HERC1: variants seen among roughly 807,000 people sequenced by gnomAD.
HERC1 encodes HECT and RLD domain containing E3 ubiquitin protein ligase family member 1, also known as probable E3 ubiquitin-protein ligase HERC1.
A neutral mutation model predicts 554.3 loss-of-function variants in HERC1; 160 were observed. The observed-to-expected ratio is 0.29, with a 90% confidence interval of 0.25 to 0.33. The LOEUF is 0.33. Ranked by LOEUF, HERC1 falls within the 10% of genes least tolerant of loss-of-function variation. HERC1 has a pLI of 1.00. For missense variants in HERC1, 4,919 were observed against 5,918.5 expected (o/e 0.83, Z 5.54); for synonymous variants, 2,175 against 2,131.7 (o/e 1.02, Z -0.56).
At chr15:63,627,249 G>A (rs2068338925) in intron 70 of HERC1, among the ~76,000 whole-genome samples, 1 of 152,066 alleles carries the variant, frequency 6.6e-6, no homozygotes, top group Non-Finnish European at 1.5e-5. Flanking sequence ...GGAATCTTAG[G>A]ACCCCCCCTA....
Position 63,638,749 on chromosome 15 carries a change from C to T in HERC1, c.11929G>A (p.Asp3977Asn), listed in dbSNP as rs2068897334. The part of the protein sequence containing the change: ...MDNSKWINGM[D>N]EQIMSWATSR... ...GTTGCCCAAGACATAATTTGTTCATCCATGCCGTTAATCCATTTACTGTTA... is the reference window on the plus strand; with the variant it reads ...GTTGCCCAAGACATAATTTGTTCATTCATGCCGTTAATCCATTTACTGTTA... Residue 3977 changes from aspartate to asparagine, a missense_variant, in exon 62 of 78, where the codon GAT becomes AAT. This residue lies in a region of HERC1 where 1,963 missense variants were observed against 2,228.6 expected (regional missense o/e 0.88). Transcript: ENST00000443617. 6.2e-7 allele frequency: 1 copy of T among 1,613,504 alleles called. No individual in the cohort carries two copies. Among genetic ancestry groups the T allele is most frequent in the African/African-American group, 1.3e-5 (1 of 74,894 alleles).
At chr15:63,781,801 A>G (rs2076296875) in intron 1 of HERC1, among the ~76,000 whole-genome samples, 1 of 152,378 alleles carries the variant, frequency 6.6e-6, no homozygotes, top group Admixed American at 6.5e-5. Flanking sequence ...ACAAAGGGAA[A>G]GTTCTTAAAG....
chr15:63,802,239 T>C (rs1222562559), intron 1 of HERC1, among the ~76,000 whole-genome samples: 4 of 152,284 alleles, frequency 2.6e-5, no homozygotes, highest in Non-Finnish European at 5.9e-5. Flanking sequence ...ACCACACAAA[T>C]TATCAATGGT....
intron 34 of HERC1, 95 bp downstream of exon 34, chr15:63,686,264 A>T (rs923571942): frequency 1.1e-6 from 1 of 892,362 alleles, no homozygotes; most frequent in African/African-American, 1.7e-5. Flanking sequence ...ACATATCACG[A>T]TTTTTTTTCA....
At chr15:63,815,680 C>A (rs555758608) in intron 1 of HERC1, among the ~76,000 whole-genome samples, 5 of 152,302 alleles carry the variant, frequency 3.3e-5, no homozygotes, top group Admixed American at 6.5e-5. Flanking sequence ...ACACACTCTT[C>A]ATGGTTGGAT....
Position 63,612,685 on chromosome 15 carries a change from C to T in HERC1, c.14095-129G>A. 2 of 831,160 alleles carry T rather than the reference C, an allele frequency of 2.4e-6. No individual in the cohort carries two copies. The highest frequency in any genetic ancestry group is 3.6e-6 in the Non-Finnish European group (2 of 548,426). 51.5% of individuals were successfully genotyped at this position (831,160 alleles called of 1,614,324 possible). A position where few individuals can be genotyped will look rare whatever the true frequency, so the allele number is the denominator to read the frequency against. ...CCAGACCCTCTACTTGTTTCTCAGA[C>T]CGCCAGGCACGAGAGTCAGTCAAAA... On this transcript the variant is annotated intron_variant, in intron 76 of 77. Coordinates refer to ENST00000443617, the MANE Select transcript of HERC1 (RefSeq NM_003922.4). The surrounding 1 kb of genome is among the most constrained non-coding windows in gnomAD (Gnocchi z 5.0).
At position 63,645,000 on chromosome 15, in the gene HERC1, T is replaced by G. The variant is rs761151398; in HGVS notation, c.11176A>C (p.Asn3726His). Residue 3726 changes from asparagine (N) to histidine (H), a missense_variant, in exon 57 of 78, where the codon AAT becomes CAT. Physicochemically the swap from Asn to His is moderately conservative, Grantham distance 68. Coordinates refer to ENST00000443617, the MANE Select transcript of HERC1 (RefSeq NM_003922.4). Reference protein sequence around the residue: ...SAEGWWEQESNCQDGYRKSSG... With the variant: ...SAEGWWEQESHCQDGYRKSSG... ...AAACACCAGAATGTTACCTGGCAAT[T>G]TGATTCCTGCTCCCACCATCCTTCT... 6.2e-7 allele frequency: 1 copy of G among 1,609,756 alleles called. No homozygotes were observed. The highest frequency in any genetic ancestry group is 8.5e-7 in the Non-Finnish European group (1 of 1,176,038).
At chr15:63,711,180 C>T (rs939247588) in intron 24 of HERC1, among the ~76,000 whole-genome samples, 10 of 152,036 alleles carry the variant, frequency 6.6e-5, no homozygotes, top group African/African-American at 2.4e-4. Flanking sequence ...AAAAAATTAG[C>T]CAGAAATGGT....
intron 74 of HERC1, among the ~76,000 whole-genome samples, chr15:63,620,703 G>T (rs1245918082): frequency 1.3e-5 from 2 of 152,088 alleles, no homozygotes; most frequent in African/African-American, 2.4e-5. Flanking sequence ...ATATATTTAG[G>T]ATAGTTAGTT....
chr15:63,696,604 CTT>C (rs1567024652), intron 26 of HERC1, among the ~76,000 whole-genome samples: 3 of 152,112 alleles, frequency 2.0e-5, no homozygotes, highest in African/African-American at 4.8e-5. Context: ...AGGACAGACT[CTT>C]TTATCTTACT....
In HERC1 at chr15:63,641,573, G is replaced by T. The variant is rs372198548; in HGVS notation, c.11504C>A (p.Ala3835Glu). Residue 3835 changes from alanine (A) to glutamate (E), a missense_variant, in exon 60 of 78, where the codon GCA (alanine) becomes GAA (glutamate). By Grantham distance (107) the Ala-to-Glu change is moderately radical (BLOSUM62 -1). Transcript: ENST00000443617. ...TCCCAGAACACCCTGCTGTTTCAAT[G>T]CTGTCCTACAGGTTGCCAAAACATG... is the stretch of plus-strand genomic sequence containing the variant. Reference protein sequence around the residue: ...ANHVLATCRTALKQQGVLGLN... With the variant: ...ANHVLATCRTELKQQGVLGLN... 5.0e-6 allele frequency: 8 copies of T among 1,606,274 alleles called. No homozygotes were observed. Among genetic ancestry groups the T allele is most frequent in the Non-Finnish European group, 6.8e-6 (8 of 1,175,964 alleles).
intron 8 of HERC1, among the ~76,000 whole-genome samples, chr15:63,752,093 C>T (rs571826799): frequency 2.6e-5 from 4 of 152,240 alleles, no homozygotes; most frequent in Admixed American, 6.5e-5. Flanking sequence ...GTGAGAAACA[C>T]GTAGAAGAGA....
chr15:63,737,481 G>GATAT (rs1162968549), intron 12 of HERC1, among the ~76,000 whole-genome samples: 1 of 45,180 alleles, frequency 2.2e-5, no homozygotes, highest in Non-Finnish European at 4.6e-5. Flanking sequence ...CTTTTTTCCA[G>GATAT]ATATATATAT....
intron 36 of HERC1, among the ~76,000 whole-genome samples, chr15:63,678,890 C>G (rs1212082321): frequency 6.6e-6 from 1 of 152,170 alleles, no homozygotes; most frequent in Non-Finnish European, 1.5e-5. Flanking sequence ...CATTCTAAGT[C>G]TTAGCTTTTC....
intron 1 of HERC1, among the ~76,000 whole-genome samples, chr15:63,793,286 A>G (rs576725429): frequency 5.3e-5 from 8 of 152,344 alleles, no homozygotes; most frequent in Admixed American, 2.0e-4. Context: ...CCACGCTGAT[A>G]AAACTGGTTG....
intron 1 of HERC1, among the ~76,000 whole-genome samples, chr15:63,801,392 A>G (rs1489561281): frequency 6.6e-6 from 1 of 152,140 alleles, no homozygotes; most frequent in Non-Finnish European, 1.5e-5. Flanking sequence ...CTAACTCTGG[A>G]TAGTGTCAGA....
rs994074003 is a variant in HERC1 at position 63,680,424 on chromosome 15, A to G, written c.6465+113T>C. The G allele has an allele frequency of 8.8e-6, 10 of 1,136,742 alleles. No individual in the cohort carries two copies. In the African/African-American group the frequency reaches 1.6e-4, roughly 18 times the overall value. The allele number at this position is 1,136,742 out of a possible 1,614,324, so 70.4% of individuals were successfully genotyped here. Reference sequence around the variant, plus strand: ...TTTTAAGAACCAGAAAGTATTAGAGAGAAAGGAGAGACGAGCAGATAATCT... The same window carrying G: ...TTTTAAGAACCAGAAAGTATTAGAGGGAAAGGAGAGACGAGCAGATAATCT... On this transcript the variant is annotated intron_variant, in intron 35 of 77. Transcript: ENST00000443617. This position sits in a 1 kb window ranked among gnomAD's most constrained non-coding sequence, Gnocchi z 5.8.
chr15:63,700,355 T>C (rs1048718916), intron 25 of HERC1, among the ~76,000 whole-genome samples: 5 of 152,094 alleles, frequency 3.3e-5, no homozygotes, highest in African/African-American at 1.2e-4. Context: ...CAATTAAATA[T>C]GCATAAAAAT....
chr15:63,676,052 C>T lies in HERC1; in HGVS notation c.7071-935G>A, dbSNP rs138508562. 2.8e-3 allele frequency among the ~76,000 whole-genome samples: 428 copies of T among 152,052 alleles called. 1 individual carries two copies. The highest frequency in any genetic ancestry group is 9.2e-3 in the African/African-American group (381 of 41,470). On this transcript the variant is annotated intron_variant, in intron 37 of 77. Transcript: ENST00000443617. ...CTGAGTAGCTGGGATTACAGGCGCACGCCACTACGGCTGGCTTTTTTGTAT... is the reference window on the plus strand; with the variant it reads ...CTGAGTAGCTGGGATTACAGGCGCATGCCACTACGGCTGGCTTTTTTGTAT...
Sources: allele counts gnomAD v4.1 joint callset (sites outside exome capture counted in the v4.1 genomes callset), GRCh38; gene constraint gnomAD v4.1.1; regional missense constraint gnomAD v4.1.1; non-coding constraint Gnocchi (gnomAD v3.1); transcripts MANE v1.5; gene names NCBI Gene and HGNC (gene_info 2026-07-23, HGNC 2026-07-21).